Variants in IFT52 observed in about 807,000 individuals in gnomAD.
IFT52 encodes the protein intraflagellar transport protein 52 homolog.
IFT52 carries 44 observed loss-of-function variants against 54.4 expected under a neutral mutation model. The ratio of observed to expected loss-of-function variants is 0.81; its 90% CI spans 0.63 to 1.04. The LOEUF (loss-of-function observed/expected upper bound fraction) is 1.04. Ranked by LOEUF, IFT52 falls within the 50% of genes least tolerant of loss-of-function variation. The probability of loss-of-function intolerance (pLI) is 0.00; values close to 1 mark genes in which losing one functional copy is unlikely to be tolerated. For missense variants in IFT52, 452 were observed against 523.6 expected (o/e 0.86, Z 1.33); for synonymous variants, 181 against 185.3 (o/e 0.98, Z 0.19).
In IFT52 at chr20:43,643,416, G is replaced by A. The variant is rs1194886747; in HGVS notation, c.1266+792G>A. On this transcript the variant is annotated intron_variant, in intron 13 of 13. Transcript: ENST00000373030. ...CAGGGGAATCTCTTGAACCCAGGAG[G>A]CGGAGGTTGCAGTGAGCCAAGATGG... Among the ~76,000 whole-genome samples the A allele has an allele frequency of 3.6e-5, 2 of 56,144 alleles. 1 individual carries two copies. The highest frequency in any genetic ancestry group is 1.0e-4 in the African/African-American group (2 of 19,316). 36.8% of individuals were successfully genotyped at this position (56,144 alleles called of 152,430 possible). A position where few individuals can be genotyped will look rare whatever the true frequency, so the allele number is the denominator to read the frequency against.
intron 12 of IFT52, among the ~76,000 whole-genome samples, chr20:43,638,725 G>A (rs1433650257): frequency 6.6e-6 from 1 of 152,164 alleles, no homozygotes; most frequent in Non-Finnish European, 1.5e-5. Flanking sequence ...TCATTTGGTA[G>A]GAGAATATGT....
chr20:43,594,132 A>G (rs991031999), intron 1 of IFT52, among the ~76,000 whole-genome samples: 1 of 151,700 alleles, frequency 6.6e-6, no homozygotes, highest in African/African-American at 2.4e-5. Flanking sequence ...ACATGGTGAA[A>G]CCCCGTCTCT....
intron 10 of IFT52, among the ~76,000 whole-genome samples, chr20:43,629,166 G>A (rs1984978281): frequency 6.6e-6 from 1 of 152,184 alleles, no homozygotes; most frequent in South Asian, 2.1e-4. Context: ...TTAGTTGCAT[G>A]TTTTAGTATA....
chr20:43,620,293 A>C (rs1171213318), intron 8 of IFT52, among the ~76,000 whole-genome samples: 1 of 152,148 alleles, frequency 6.6e-6, no homozygotes, highest in Non-Finnish European at 1.5e-5. Flanking sequence ...ATTGTGAACA[A>C]AGGTTAATAA....
rs751521218 is a variant in IFT52 at position 43,594,791 on chromosome 20, A to G, written c.93A>G (p.Lys31=). 4 of 1,599,766 alleles carry G rather than the reference A, an allele frequency of 2.5e-6. No homozygotes were observed. In the African/African-American group the frequency reaches 4.0e-5, roughly 16 times the overall value. The change falls in exon 2 of 14, where the codon AAA becomes AAG. Residue 31 remains lysine, a synonymous_variant. Transcript: ENST00000373030. ...ATGGCTACAAATCCATGCAGAAAAA[A>G]CTTCGGAGTAATTGGAAGATTCAGA... ...TNNGYKSMQK[K]LRSNWKIQSL... is the part of the protein sequence containing the mutation.
At chr20:43,637,802 G>C (rs1985647994) in intron 12 of IFT52, among the ~76,000 whole-genome samples, 1 of 152,184 alleles carries the variant, frequency 6.6e-6, no homozygotes, top group Admixed American at 6.5e-5. Flanking sequence ...TCTCAGCTTT[G>C]ATCCCTGTGA....
chr20:43,595,648 G>A (rs1981898156), intron 2 of IFT52, among the ~76,000 whole-genome samples: 1 of 152,238 alleles, frequency 6.6e-6, no homozygotes, highest in Admixed American at 6.5e-5. Flanking sequence ...CACTTTGGGA[G>A]GCTGAAGCAG....
In IFT52 at chr20:43,613,992, G is replaced by C. The variant is rs1983659886; in HGVS notation, c.612+16G>C. 1 of 1,606,932 alleles carries C rather than the reference G, an allele frequency of 6.2e-7. No homozygotes were observed. On this transcript the variant is annotated intron_variant, in intron 7 of 13. Coordinates refer to ENST00000373030, the MANE Select transcript of IFT52 (RefSeq NM_016004.5). The stretch of plus-strand genomic sequence containing the variant: ...TCACTCAAAGGTACAGCTTTTCTTA[G>C]ATATGGGTATAGATGTTATTTTTAT...
intron 6 of IFT52, among the ~76,000 whole-genome samples, chr20:43,611,131 A>G (rs927157230): frequency 6.6e-6 from 1 of 152,170 alleles, no homozygotes; most frequent in East Asian, 1.9e-4. Context: ...ACTTTGAGGT[A>G]TGGACTAGTC....
Position 43,635,944 on chromosome 20 carries a change from T to C in IFT52, c.942T>C (p.Asn314=). The change falls in exon 11 of 14, where the codon AAT becomes AAC. Residue 314 remains asparagine, a synonymous_variant. Transcript: ENST00000373030. Reference sequence around the variant, plus strand: ...AACACAGGGCTCACGAGCAGCTAAATGTGAAACATGAACCACTCCAGCTCA... The same window carrying C: ...AACACAGGGCTCACGAGCAGCTAAACGTGAAACATGAACCACTCCAGCTCA... The part of the protein sequence containing the change: ...HSVIEAHEQL[N]VKHEPLQLIQ... The C allele has an allele frequency of 6.2e-7, 1 of 1,614,200 alleles. No homozygotes were observed. Among genetic ancestry groups the C allele is most frequent in the Non-Finnish European group, 8.5e-7 (1 of 1,180,022 alleles).
intron 1 of IFT52, among the ~76,000 whole-genome samples, chr20:43,593,743 T>C (rs1246129585): frequency 6.6e-6 from 1 of 151,990 alleles, no homozygotes; most frequent in Non-Finnish European, 1.5e-5. Context: ...CTAATTTTTT[T>C]TGTAGAGATG....
At chr20:43,639,253 A>AAG (rs3091555) in intron 12 of IFT52, among the ~76,000 whole-genome samples, 1 of 151,462 alleles carries the variant, frequency 6.6e-6, no homozygotes, top group Non-Finnish European at 1.5e-5. Context: ...AAAAAAAAAA[A>AAG]TTGCCTGAGC....
intron 10 of IFT52, among the ~76,000 whole-genome samples, chr20:43,632,216 C>T (rs751991749): frequency 9.2e-5 from 14 of 151,854 alleles, no homozygotes; most frequent in Non-Finnish European, 1.8e-4. Flanking sequence ...TGAGCCACTG[C>T]GCCCAGCCTA....
intron 7 of IFT52, among the ~76,000 whole-genome samples, chr20:43,615,782 C>T (rs1421979931): frequency 6.6e-6 from 1 of 151,838 alleles, no homozygotes; most frequent in African/African-American, 2.4e-5. Flanking sequence ...ACTAAAATTA[C>T]AAAAATTAGC....
chr20:43,605,042 A>G lies in IFT52; in HGVS notation c.454A>G (p.Ile152Val), dbSNP rs1982748437. 1 of 1,613,726 alleles carries G rather than the reference A, an allele frequency of 6.2e-7. No homozygotes were observed. Among genetic ancestry groups the G allele is most frequent in the Non-Finnish European group, 8.5e-7 (1 of 1,179,858 alleles). The part of the protein sequence containing the change: ...RAAGKAVPGI[I>V]DEESSGNNAQ... ...TGCAGGAAAGGCTGTGCCTGGGATC[A>G]TTGATGAGGAAAGCAGTGGAAACAA... The change falls in exon 6 of 14, where the codon ATT (isoleucine) becomes GTT (valine). Residue 152 changes from isoleucine (I) to valine (V), a missense_variant. Transcript: ENST00000373030.
intron 12 of IFT52, among the ~76,000 whole-genome samples, chr20:43,638,348 G>T (rs1197791689): frequency 1.3e-5 from 2 of 151,930 alleles, no homozygotes; most frequent in Admixed American, 1.3e-4. Flanking sequence ...CCACCGCCAC[G>T]CATGGCTAAT....
At position 43,611,298 on chromosome 20, in the gene IFT52, A is replaced by G. The variant is rs941363068; in HGVS notation, c.486-2552A>G. On this transcript the variant is annotated intron_variant, in intron 6 of 13. Transcript: ENST00000373030. ...AGTGAAGCTTGTATTCATCTTAGGG[A>G]CTTTACACAAGCTATTCCGTCTTTT... is the stretch of plus-strand genomic sequence containing the variant. 2.6e-5 allele frequency among the ~76,000 whole-genome samples: 4 copies of G among 152,150 alleles called. No individual in the cohort carries two copies. The East Asian group carries it at 7.7e-4, about 29-fold the overall frequency.
intron 10 of IFT52, among the ~76,000 whole-genome samples, chr20:43,625,518 A>G (rs1446586899): frequency 6.6e-6 from 1 of 151,968 alleles, no homozygotes; most frequent in East Asian, 1.9e-4. Context: ...AAAAAAAAAT[A>G]GGGTGATCAG....
At chr20:43,621,372 C>T (rs1984290862) in intron 9 of IFT52, among the ~76,000 whole-genome samples, 2 of 152,082 alleles carry the variant, frequency 1.3e-5, no homozygotes, top group African/African-American at 4.8e-5. Flanking sequence ...GTGGTGAAAC[C>T]AGCACAGTGA....
Sources: gnomAD v4.1 joint callset for allele counts (sites outside exome capture counted in the v4.1 genomes callset) on GRCh38, gnomAD v4.1.1 for gene constraint, MANE v1.5 for transcripts, NCBI Gene and HGNC (gene_info 2026-07-23, HGNC 2026-07-21) for gene names.